The following SLFN5 variants were observed in gnomAD, a reference collection of about 807,000 sequenced individuals.
SLFN5 encodes schlafen family member 5.
A neutral mutation model predicts 48.5 loss-of-function variants in SLFN5; 34 were observed. The ratio of observed to expected loss-of-function variants is 0.70; its 90% CI spans 0.53 to 0.93. SLFN5 has a LOEUF of 0.93. Ranked by LOEUF, SLFN5 falls within the 40% of genes least tolerant of loss-of-function variation. The probability of loss-of-function intolerance (pLI) is 0.00; values close to 1 mark genes in which losing one functional copy is unlikely to be tolerated. For synonymous variants in SLFN5, 387 were observed against 396.2 expected (o/e 0.98, Z 0.28); for missense variants, 1,006 against 1,071.3 (o/e 0.94, Z 0.85).
At chr17:35,243,932 G>A (rs1052055948) in intron 1 of SLFN5, among the ~76,000 whole-genome samples, 5 of 152,180 alleles carry the variant, frequency 3.3e-5, no homozygotes, top group Non-Finnish European at 7.3e-5. Context: ...CTAACAAAAA[G>A]AAGTAGTGGG....
Position 35,268,144 on chromosome 17 carries a change from C to A in SLFN5, c.*2256C>A, listed in dbSNP as rs1904747842. On this transcript the variant is annotated 3_prime_UTR_variant, in exon 5 of 5. Transcript: ENST00000299977. ...TCTCACACCAGATCATATCAGGCTA[C>A]ACAAAAGTAGATGGAAGACACCACC... is the stretch of plus-strand genomic sequence containing the variant. 1 of 152,202 alleles carries A rather than the reference C, an allele frequency of 6.6e-6. No homozygotes were observed. Among genetic ancestry groups the A allele is most frequent in the Non-Finnish European group, 1.5e-5 (1 of 68,060 alleles). 9.4% of individuals were successfully genotyped at this position (152,202 alleles called of 1,614,324 possible). A position where few individuals can be genotyped will look rare whatever the true frequency, so the allele number is the denominator to read the frequency against.
intron 1 of SLFN5, among the ~76,000 whole-genome samples, chr17:35,246,076 T>C (rs2092429921): frequency 6.6e-6 from 1 of 152,332 alleles, no homozygotes; most frequent in East Asian, 1.9e-4. Flanking sequence ...AATAGGCATT[T>C]CCCTAACGAC....
intron 1 of SLFN5, among the ~76,000 whole-genome samples, chr17:35,254,625 A>G (rs909054883): frequency 2.0e-5 from 3 of 152,244 alleles, no homozygotes; most frequent in African/African-American, 7.2e-5. Flanking sequence ...AATGCCCAGC[A>G]TCCATTACTG....
At chr17:35,255,837 T>C (rs764324767) in intron 1 of SLFN5, among the ~76,000 whole-genome samples, 1 of 152,242 alleles carries the variant, frequency 6.6e-6, no homozygotes, top group Non-Finnish European at 1.5e-5. Context: ...CCTATTTCTC[T>C]GTCTCCCTAA....
rs144147177 is a variant in SLFN5 at position 35,269,240 on chromosome 17, C to T, written c.*3352C>T. On this transcript the variant is annotated 3_prime_UTR_variant, in exon 5 of 5. Transcript: ENST00000299977. Reference sequence around the variant, plus strand: ...ATAAAAGAGTTCTAGAAATACAGGACCCATGAATCATTCTTGAAGAAAAGT... The same window carrying T: ...ATAAAAGAGTTCTAGAAATACAGGATCCATGAATCATTCTTGAAGAAAAGT... 1.1e-4 allele frequency: 16 copies of T among 152,132 alleles called. No individual in the cohort carries two copies. The highest frequency in any genetic ancestry group is 1.0e-3 in the Admixed American group (16 of 15,286). The allele number at this position is 152,132 out of a possible 1,614,324, so 9.4% of individuals were successfully genotyped here. A position where few individuals can be genotyped will look rare whatever the true frequency, so the allele number is the denominator to read the frequency against.
intron 3 of SLFN5, among the ~76,000 whole-genome samples, chr17:35,263,778 G>A (rs147513357): frequency 1.4e-4 from 18 of 130,990 alleles, no homozygotes; most frequent in African/African-American, 4.2e-4. Context: ...AGCCGAGATC[G>A]CACCACTGGT....
At position 35,258,104 on chromosome 17, in the gene SLFN5, G is replaced by A. The variant is rs568338710; in HGVS notation, c.-40-547G>A. Among the ~76,000 whole-genome samples, 3 of 152,338 alleles carry A rather than the reference G, an allele frequency of 2.0e-5. No individual in the cohort carries two copies. The East Asian group carries it at 5.8e-4, about 29-fold the overall frequency. ...TGTTGGTCATTTCTGTGGTGGTGGTGTGCTTCCAGCAGACTCAGCTCCTCA... is the reference window on the plus strand; with the variant it reads ...TGTTGGTCATTTCTGTGGTGGTGGTATGCTTCCAGCAGACTCAGCTCCTCA... On this transcript the variant is annotated intron_variant, in intron 1 of 4. Coordinates refer to ENST00000299977, the MANE Select transcript of SLFN5 (RefSeq NM_144975.4).
chr17:35,258,968 A>G lies in SLFN5; in HGVS notation c.278A>G (p.Asn93Ser). ...RSHLDKMQKE[N>S]HFLIFVKSWN... ...CATTTAGATAAGATGCAGAAGGAAAACCACTTTTTGATTTTTGTGAAATCA... is the reference window on the plus strand; with the variant it reads ...CATTTAGATAAGATGCAGAAGGAAAGCCACTTTTTGATTTTTGTGAAATCA... Residue 93 changes from asparagine (N) to serine (S), a missense_variant, in exon 2 of 5, where the codon AAC becomes AGC. By Grantham distance (46) the Asn-to-Ser change is conservative (BLOSUM62 1). Transcript: ENST00000299977. 1 of 1,614,118 alleles carries G rather than the reference A, an allele frequency of 6.2e-7. No individual in the cohort carries two copies. Among genetic ancestry groups the G allele is most frequent in the Non-Finnish European group, 8.5e-7 (1 of 1,180,018 alleles).
chr17:35,251,400 T>G (rs555394447), intron 1 of SLFN5, among the ~76,000 whole-genome samples: 1 of 152,170 alleles, frequency 6.6e-6, no homozygotes, highest in Non-Finnish European at 1.5e-5. Flanking sequence ...TTGGGGTTTT[T>G]TTTTGTTTGT....
In SLFN5 at chr17:35,265,353, A is replaced by G; in HGVS notation, c.2141A>G (p.Asn714Ser). The change falls in exon 5 of 5, where the codon AAT (asparagine) becomes AGT (serine). Residue 714 changes from asparagine (N) to serine (S), a missense_variant. Physicochemically the swap from Asn to Ser is conservative, Grantham distance 46. Transcript: ENST00000299977. ...PREEINRVVR[N>S]AGPIANYLQQ... Reference sequence around the variant, plus strand: ...GAAGAGATCAACAGAGTGGTCCGCAATGCAGGTCCAATAGCTAATTACCTA... The same window carrying G: ...GAAGAGATCAACAGAGTGGTCCGCAGTGCAGGTCCAATAGCTAATTACCTA... 1.2e-6 allele frequency: 2 copies of G among 1,614,196 alleles called. No homozygotes were observed. Among genetic ancestry groups the G allele is most frequent in the Non-Finnish European group, 8.5e-7 (1 of 1,180,038 alleles).
At chr17:35,248,119 GCTT>G (rs989945447) in intron 1 of SLFN5, among the ~76,000 whole-genome samples, 4 of 152,144 alleles carry the variant, frequency 2.6e-5, no homozygotes, top group Non-Finnish European at 5.9e-5. Flanking sequence ...AGGAGAAACT[GCTT>G]CTTATTTGTA....
At position 35,270,969 on chromosome 17, in the gene SLFN5, T is replaced by C. The variant is rs1904816921; in HGVS notation, c.*5081T>C. On this transcript the variant is annotated 3_prime_UTR_variant, in exon 5 of 5. Transcript: ENST00000299977. ...CAAGATTCAGAACATCAAAGATTCT[T>C]TTTTAATCCTAAAAGAAAAAGTTTG... is the stretch of plus-strand genomic sequence containing the variant. The C allele has an allele frequency of 6.6e-6, 1 of 152,206 alleles. No individual in the cohort carries two copies. Among genetic ancestry groups the C allele is most frequent in the Non-Finnish European group, 1.5e-5 (1 of 68,032 alleles). The allele number at this position is 152,206 out of a possible 1,614,324, so 9.4% of individuals were successfully genotyped here.
intron 1 of SLFN5, 63 bp from the exon 2 acceptor site, chr17:35,258,588 G>A (rs1472874999): frequency 1.4e-6 from 2 of 1,422,260 alleles, no homozygotes; most frequent in Non-Finnish European, 1.9e-6. Flanking sequence ...GCCTTAATCT[G>A]TTGGTTTTCC....
At chr17:35,257,289 A>G (rs73993117) in intron 1 of SLFN5, among the ~76,000 whole-genome samples, 171 of 152,286 alleles carry the variant, frequency 1.1e-3, no homozygotes, top group African/African-American at 3.9e-3. Flanking sequence ...GGGGTACGAA[A>G]TCACCTTCCC....
chr17:35,261,838 G>A (rs1231998956), intron 3 of SLFN5, among the ~76,000 whole-genome samples: 1 of 151,512 alleles, frequency 6.6e-6, no homozygotes, highest in Non-Finnish European at 1.5e-5. Flanking sequence ...ACCACACCCA[G>A]CTAATTTTTT....
At position 35,265,698 on chromosome 17, in the gene SLFN5, T is replaced by C; in HGVS notation, c.2486T>C (p.Ile829Thr). The C allele has an allele frequency of 6.2e-7, 1 of 1,614,172 alleles. No homozygotes were observed. Among genetic ancestry groups the C allele is most frequent in the South Asian group, 1.1e-5 (1 of 91,080 alleles). The change falls in exon 5 of 5, where the codon ATC becomes ACC. Residue 829 changes from isoleucine (I) to threonine (T), a missense_variant. By Grantham distance (89) the Ile-to-Thr change is moderately conservative. Transcript: ENST00000299977. ...GAGGAGTCTGATCTGTTACTACAGA[T>C]CGGTGATGCGTCGGATGTTCTAACC... The part of the protein sequence containing the change: ...LHEESDLLLQ[I>T]GDASDVLTDH...
intron 1 of SLFN5, among the ~76,000 whole-genome samples, chr17:35,257,602 A>G (rs569334597): frequency 6.6e-6 from 1 of 152,112 alleles, no homozygotes; most frequent in East Asian, 1.9e-4. Context: ...CTATGGAGCA[A>G]GCTGAATAAC....
Position 35,265,009 on chromosome 17 carries a change from GT to G in SLFN5, c.1860-60del, listed in dbSNP as rs763545289. ...TATTGTATTTACCATGACCAGAGGGGTTTAAGAGTAGAATCTGCTTTCTTTG... is the reference window on the plus strand; with the variant it reads ...TATTGTATTTACCATGACCAGAGGGGTTAAGAGTAGAATCTGCTTTCTTTG... On this transcript the variant is annotated intron_variant, in intron 4 of 4. Transcript: ENST00000299977. 24 of 1,557,026 alleles carry G rather than the reference GT, an allele frequency of 1.5e-5. 2 individuals are homozygous for G. In the South Asian group the frequency reaches 2.7e-4, roughly 17 times the overall value.
At chr17:35,249,667 C>T (rs2092438086) in intron 1 of SLFN5, among the ~76,000 whole-genome samples, 1 of 152,206 alleles carries the variant, frequency 6.6e-6, no homozygotes, top group South Asian at 2.1e-4. Flanking sequence ...GAAAAACATT[C>T]CTTCCTCCTC....
Sources: gnomAD v4.1 joint callset for allele counts (sites outside exome capture counted in the v4.1 genomes callset) on GRCh38, gnomAD v4.1.1 for gene constraint, MANE v1.5 for transcripts, NCBI Gene and HGNC (gene_info 2026-07-23, HGNC 2026-07-21) for gene names.